The following SCFD1 variants were observed in gnomAD, a reference collection of about 807,000 sequenced individuals.
The protein encoded by SCFD1 is sec1 family domain-containing protein 1.
A neutral mutation model predicts 103.2 loss-of-function variants in SCFD1; 37 were observed. That is an observed-to-expected ratio of 0.36 (90% CI 0.28 to 0.47). SCFD1 has a LOEUF of 0.47. SCFD1 is among the 20% of genes least tolerant of loss of function. The pLI is 1.00. For synonymous variants in SCFD1, 264 were observed against 245.0 expected, an observed-to-expected ratio of 1.08 and a Z score of -0.73; for missense variants, 639 against 761.2, an observed-to-expected ratio of 0.84 and a Z score of 1.89.
chr14:30,654,577 G>T (rs1329924707), intron 10 of SCFD1, among the ~76,000 whole-genome samples: 2 of 152,082 alleles, frequency 1.3e-5, no homozygotes, highest in African/African-American at 4.8e-5. Flanking sequence ...GGGTGGCTGA[G>T]GCTTGAGAAT....
intron 23 of SCFD1, among the ~76,000 whole-genome samples, chr14:30,727,435 G>A (rs551958900): frequency 5.3e-5 from 8 of 152,276 alleles, no homozygotes; most frequent in African/African-American, 1.9e-4. Context: ...GAATTATTCT[G>A]TGTTTATCCT....
chr14:30,671,503 A>T (rs947132481), intron 11 of SCFD1, among the ~76,000 whole-genome samples: 1 of 152,176 alleles, frequency 6.6e-6, no homozygotes, highest in Admixed American at 6.5e-5. Flanking sequence ...GCTTAAGAAA[A>T]AAATCTCTGT....
intron 10 of SCFD1, among the ~76,000 whole-genome samples, chr14:30,664,726 G>A (rs1186402530): frequency 6.6e-6 from 1 of 152,150 alleles, no homozygotes; most frequent in Non-Finnish European, 1.5e-5. Context: ...GAAAACCATG[G>A]CACGAGAACT....
At chr14:30,713,659 G>A (rs1271601498) in intron 19 of SCFD1, among the ~76,000 whole-genome samples, 1 of 151,984 alleles carries the variant, frequency 6.6e-6, no homozygotes, top group East Asian at 1.9e-4. Flanking sequence ...AAAATAATAT[G>A]ACCCTTATGG....
intron 10 of SCFD1, 122 bp from the exon 11 acceptor site, chr14:30,670,134 G>C: frequency 1.4e-6 from 1 of 713,330 alleles, no homozygotes; most frequent in Non-Finnish European, 2.3e-6. Context: ...CAAAAGATTG[G>C]GAGGAGATGT....
At chr14:30,709,948 TAAAC>T (rs1566651754) in intron 19 of SCFD1, among the ~76,000 whole-genome samples, 1 of 152,218 alleles carries the variant, frequency 6.6e-6, no homozygotes, top group Non-Finnish European at 1.5e-5. Context: ...AAGATTTCCC[TAAAC>T]AAAGTATTTC....
At chr14:30,703,450 T>G (rs577724147) in intron 17 of SCFD1, among the ~76,000 whole-genome samples, 1 of 151,566 alleles carries the variant, frequency 6.6e-6, no homozygotes, top group Non-Finnish European at 1.5e-5. Flanking sequence ...TGAAATGGCA[T>G]ACAACTAAAT....
chr14:30,645,860 A>G (rs1178417644), intron 7 of SCFD1, among the ~76,000 whole-genome samples: 1 of 152,216 alleles, frequency 6.6e-6, no homozygotes, highest in African/African-American at 2.4e-5. Flanking sequence ...TTCCAGTACT[A>G]TGTTAAATGG....
At chr14:30,721,853 A>C in intron 21 of SCFD1, 31 bp from the exon 22 acceptor site, 1 of 1,589,802 alleles carries the variant, frequency 6.3e-7, no homozygotes, top group Non-Finnish European at 8.6e-7. Context: ...GCCATGGGTG[A>C]AATTTTCATT....
chr14:30,647,873 A>G (rs1885996993), intron 7 of SCFD1, among the ~76,000 whole-genome samples: 1 of 151,668 alleles, frequency 6.6e-6, no homozygotes, highest in South Asian at 2.1e-4. Context: ...CTGGTCTCGA[A>G]CTCCTGACCT....
rs1330983697 is a variant in SCFD1, at chr14:30,643,367, C to T, written c.575C>T (p.Thr192Ile). Reference protein sequence around the residue: ...TDTEMETVMDTIVDSLFCFFV... With the variant: ...TDTEMETVMDIIVDSLFCFFV... ...ACGGAAATGGAAACTGTTATGGACA[C>T]TATAGTTGACAGCCTCTTCTGCTTT... Residue 192 changes from threonine (T) to isoleucine (I), a missense_variant, in exon 7 of 25, where the codon ACT (threonine) becomes ATT (isoleucine). Transcript: ENST00000458591. 3 of 1,613,572 alleles carry T rather than the reference C, an allele frequency of 1.9e-6. No individual in the cohort carries two copies. The highest frequency in any genetic ancestry group is 2.5e-6 in the Non-Finnish European group (3 of 1,179,594).
At chr14:30,676,789 T>G (rs1270039905) in intron 14 of SCFD1, among the ~76,000 whole-genome samples, 1 of 152,190 alleles carries the variant, frequency 6.6e-6, no homozygotes, top group Non-Finnish European at 1.5e-5. Context: ...TAAAGAAGAC[T>G]GTGGAGGATA....
At chr14:30,681,685 A>C (rs1025265792) in intron 14 of SCFD1, among the ~76,000 whole-genome samples, 1 of 151,376 alleles carries the variant, frequency 6.6e-6, no homozygotes, top group South Asian at 2.1e-4. Flanking sequence ...TGATTAAGAT[A>C]AAAAAACCTC....
chr14:30,680,408 G>A (rs1286404744), intron 14 of SCFD1, among the ~76,000 whole-genome samples: 1 of 152,002 alleles, frequency 6.6e-6, no homozygotes, highest in Non-Finnish European at 1.5e-5. Context: ...ATTTAACATA[G>A]TAGGTATATT....
intron 1 of SCFD1, among the ~76,000 whole-genome samples, chr14:30,624,423 A>G (rs953236545): frequency 3.9e-5 from 6 of 152,132 alleles, no homozygotes; most frequent in South Asian, 4.1e-4. Context: ...AGTCTACTCC[A>G]TATCAGTTAA....
chr14:30,670,267 A>G lies in SCFD1; in HGVS notation c.867A>G (p.Leu289=). The G allele has an allele frequency of 5.0e-6, 8 of 1,584,742 alleles. No homozygotes were observed. The highest frequency in any genetic ancestry group is 1.2e-5 in the South Asian group (1 of 84,518). The change falls in exon 11 of 25, where the codon TTA becomes TTG. Residue 289 remains leucine (L), a synonymous_variant. Coordinates refer to ENST00000458591, the MANE Select transcript of SCFD1 (RefSeq NM_016106.4). ...TTACTTTTTCCTAGGATTTCCATTTAAACAGGGTTAATTTGGAAGAATCTT... is the reference window on the plus strand; with the variant it reads ...TTACTTTTTCCTAGGATTTCCATTTGAACAGGGTTAATTTGGAAGAATCTT... ...ALVHDVLDFH[L]NRVNLEESSG... is the part of the protein sequence containing the mutation.
intron 7 of SCFD1, chr14:30,644,083 A>G (rs1346045489): frequency 4.6e-6 from 2 of 436,492 alleles, no homozygotes; most frequent in East Asian, 7.1e-5. Flanking sequence ...CCCACTTACA[A>G]GTGAGAACAT....
chr14:30,642,073 T>C (rs1885332486), intron 6 of SCFD1, among the ~76,000 whole-genome samples: 1 of 152,074 alleles, frequency 6.6e-6, no homozygotes, highest in South Asian at 2.1e-4. Context: ...CTGAGGTGCT[T>C]GTCAAAATTA....
chr14:30,679,698 TA>T (rs1372242458), intron 14 of SCFD1, among the ~76,000 whole-genome samples: 1 of 142,714 alleles, frequency 7.0e-6, no homozygotes, highest in Non-Finnish European at 1.6e-5. Flanking sequence ...TTTTTTTTTT[TA>T]ACATTAACTG....
Sources: gnomAD v4.1 joint callset for allele counts (sites outside exome capture counted in the v4.1 genomes callset) on GRCh38, gnomAD v4.1.1 for gene constraint, MANE v1.5 for transcripts, NCBI Gene and HGNC (gene_info 2026-07-23, HGNC 2026-07-21) for gene names.